The following ZCRB1 variants were observed in gnomAD, a reference collection of about 807,000 sequenced individuals.
ZCRB1 encodes zinc finger CCHC-type and RNA binding motif containing 1.
ZCRB1 carries 21 observed loss-of-function variants against 29.9 expected under a neutral mutation model. That is an observed-to-expected ratio of 0.70 (90% CI 0.50 to 1.01). The LOEUF (loss-of-function observed/expected upper bound fraction) is 1.01. ZCRB1 is among the 50% of genes least tolerant of loss of function. ZCRB1 has a pLI of 0.00. For synonymous variants in ZCRB1, 77 were observed against 80.0 expected, an observed-to-expected ratio of 0.96 and a Z score of 0.20; for missense variants, 204 against 253.3, an observed-to-expected ratio of 0.81 and a Z score of 1.32.
rs533861613 is a variant in ZCRB1 at position 42,317,605 on chromosome 12, C to T, written c.226-158G>A. ...ATTCTATTCTGTAGTATTCTTATTC[C>T]TGAGATTCCACCAATGTTTTGAGAA... On this transcript the variant is annotated intron_variant, in intron 4 of 7. Coordinates refer to ENST00000266529, the MANE Select transcript of ZCRB1 (RefSeq NM_033114.4). Among the ~76,000 whole-genome samples, 5 of 152,040 alleles carry T rather than the reference C, an allele frequency of 3.3e-5. No individual in the cohort carries two copies. In the South Asian group the frequency reaches 6.2e-4, roughly 19 times the overall value.
chr12:42,323,568 A>G (rs1463153321), intron 2 of ZCRB1: 1 of 152,876 alleles, frequency 6.5e-6, no homozygotes, highest in African/African-American at 2.4e-5. Context: ...CTAACATCTT[A>G]GCATCTCCTT....
At chr12:42,320,592 T>G (rs1592103603) in intron 3 of ZCRB1, among the ~76,000 whole-genome samples, 1 of 152,038 alleles carries the variant, frequency 6.6e-6, no homozygotes, top group East Asian at 1.9e-4. Context: ...GGATTACAGG[T>G]GTGTACCACC....
chr12:42,319,838 G>C (rs2068612561), intron 3 of ZCRB1, among the ~76,000 whole-genome samples: 1 of 152,114 alleles, frequency 6.6e-6, no homozygotes, highest in Admixed American at 6.5e-5. Context: ...CAAAAAAATG[G>C]GAAAAGTAGT....
In ZCRB1 at chr12:42,313,166, C is replaced by T. The variant is rs758749851; in HGVS notation, c.555G>A (p.Trp185Ter). 5.0e-6 allele frequency: 8 copies of T among 1,611,112 alleles called. No individual in the cohort carries two copies. The highest frequency in any genetic ancestry group is 2.2e-5 in the South Asian group (2 of 90,324). ...QAKIEEEQKK[W>*]KPSSGVPSTS... ...TTGAGGGGACTCCTGAACTGGGTTT[C>T]CATTTTTTTTGTTCTTCTTCAATTT... Residue 185 changes from tryptophan (W) to a stop codon, truncating the protein, a stop_gained, in exon 8 of 8, where the codon TGG (tryptophan) becomes TGA (stop). Coordinates refer to ENST00000266529, the MANE Select transcript of ZCRB1 (RefSeq NM_033114.4). LOFTEE classifies it high-confidence loss of function.
chr12:42,317,171 G>A (rs112682925), intron 5 of ZCRB1, among the ~76,000 whole-genome samples, 169 bp downstream of exon 5: 2 of 152,202 alleles, frequency 1.3e-5, no homozygotes, highest in Non-Finnish European at 2.9e-5. Context: ...CTGCATCACT[G>A]CACTGGGTGA....
At chr12:42,314,397 TAAAAAAAAAAAAAAAAAAAAAA>T (rs71084639) in intron 5 of ZCRB1, among the ~76,000 whole-genome samples, 4 of 27,738 alleles carry the variant, frequency 1.4e-4, no homozygotes, top group African/African-American at 6.5e-4. Context: ...CCGTCTCTAC[TAAAAAAAAAAAAAAAAAAAAAA>T]AAAAAAAAAA....
At chr12:42,322,250 CAT>C (rs1224501745) in intron 3 of ZCRB1, among the ~76,000 whole-genome samples, 166 bp downstream of exon 3, 1 of 152,036 alleles carries the variant, frequency 6.6e-6, no homozygotes, top group Non-Finnish European at 1.5e-5. Context: ...AAATTGTCTA[CAT>C]GTTTATGTAC....
At chr12:42,317,273 A>G in intron 5 of ZCRB1, 67 bp downstream of exon 5, 2 of 1,181,968 alleles carry the variant, frequency 1.7e-6, no homozygotes, top group Non-Finnish European at 2.4e-6. Context: ...GGTGAGCAAA[A>G]ATAAAAGACT....
In ZCRB1 at chr12:42,312,380, C is replaced by T. The variant is rs890282980; in HGVS notation, c.*687G>A. ...GAAAAAACGTAATCATAGCATATTC[C>T]TTGGCTCAGAAATGAAAAGTATTTA... On this transcript the variant is annotated 3_prime_UTR_variant, in exon 8 of 8. Coordinates refer to ENST00000266529, the MANE Select transcript of ZCRB1 (RefSeq NM_033114.4). 10 of 152,000 alleles carry T rather than the reference C, an allele frequency of 6.6e-5. No individual in the cohort carries two copies. Among genetic ancestry groups the T allele is most frequent in the African/African-American group, 2.4e-4 (10 of 41,394 alleles). 9.4% of individuals were successfully genotyped at this position (152,000 alleles called of 1,614,324 possible).
intron 1 of ZCRB1, among the ~76,000 whole-genome samples, chr12:42,324,402 C>T (rs1407472470): frequency 6.6e-6 from 1 of 152,206 alleles, no homozygotes. Flanking sequence ...CCTGCCTCAG[C>T]CTCCCAAAGT....
At chr12:42,314,345 A>G (rs1363194502) in intron 5 of ZCRB1, among the ~76,000 whole-genome samples, 1 of 127,848 alleles carries the variant, frequency 7.8e-6, no homozygotes. Flanking sequence ...GGATCACCTG[A>G]GGTCTGGAGT....
chr12:42,317,955 A>C, intron 3 of ZCRB1, 57 bp from the exon 4 acceptor site: 1 of 1,364,794 alleles, frequency 7.3e-7, no homozygotes, highest in Non-Finnish European at 1.0e-6. Context: ...ACAGATACTA[A>C]TACTTGAAAA....
At chr12:42,317,698 C>A (rs2068601352) in intron 4 of ZCRB1, 89 bp downstream of exon 4, 1 of 1,115,260 alleles carries the variant, frequency 9.0e-7, no homozygotes, top group South Asian at 1.3e-5. Context: ...ATCTGCTAGA[C>A]CTGATGATCC....
chr12:42,319,011 A>AATG (rs200853350), intron 3 of ZCRB1, among the ~76,000 whole-genome samples: 1,776 of 152,310 alleles, frequency 0.012, 18 homozygotes, highest in Middle Eastern at 0.024. Flanking sequence ...ATGACTGGTG[A>AATG]ATGTAGAGGG....
intron 1 of ZCRB1, 53 bp downstream of exon 1, chr12:42,325,871 G>A (rs2068712588): frequency 6.6e-6 from 1 of 152,626 alleles, no homozygotes; most frequent in South Asian, 2.1e-4. Context: ...TGGCAGCCGA[G>A]TCTGGGGAGG....
intron 3 of ZCRB1, 31 bp downstream of exon 3, chr12:42,322,387 T>C: frequency 6.9e-7 from 1 of 1,449,132 alleles, no homozygotes; most frequent in South Asian, 1.4e-5. Flanking sequence ...AACTTTTAAA[T>C]GAAGTTACAA....
chr12:42,320,954 CCT>C (rs1050492351), intron 3 of ZCRB1, among the ~76,000 whole-genome samples: 1 of 152,184 alleles, frequency 6.6e-6, no homozygotes, highest in African/African-American at 2.4e-5. Flanking sequence ...GCTTTCTCCC[CCT>C]TACTCACTCA....
intron 4 of ZCRB1, 47 bp from the exon 5 acceptor site, chr12:42,317,494 T>C: frequency 7.2e-7 from 1 of 1,395,694 alleles, no homozygotes; most frequent in Non-Finnish European, 9.8e-7. Context: ...CACTGAAACC[T>C]AAAATTAATT....
intron 2 of ZCRB1, among the ~76,000 whole-genome samples, chr12:42,323,033 T>G (rs970684656): frequency 6.6e-6 from 1 of 152,244 alleles, no homozygotes; most frequent in South Asian, 2.1e-4. Flanking sequence ...CTCTCTCTTC[T>G]GTTACTTTTA....
Sources: allele counts gnomAD v4.1 joint callset (sites outside exome capture counted in the v4.1 genomes callset), GRCh38; gene constraint gnomAD v4.1.1; transcripts MANE v1.5; gene names NCBI Gene and HGNC (gene_info 2026-07-23, HGNC 2026-07-21).